The following HOMER1 variants were observed in gnomAD, a reference collection of about 807,000 sequenced individuals.
HOMER1 encodes homer protein homolog 1.
Under a neutral mutation model 48.9 loss-of-function variants are expected in HOMER1, and 3 were observed. The ratio of observed to expected loss-of-function variants is 0.06; its 90% CI spans 0.03 to 0.16. The LOEUF is 0.16. HOMER1 is among the 10% of genes least tolerant of loss of function. The pLI, the probability that HOMER1 is intolerant of heterozygous loss-of-function variation, is 1.00. For synonymous variants in HOMER1, 134 were observed against 146.4 expected (o/e 0.92, Z 0.61); for missense variants, 247 against 411.4 (o/e 0.60, Z 3.46).
At chr5:79,405,839 T>C (rs1172849648) in intron 5 of HOMER1, among the ~76,000 whole-genome samples, 2 of 152,320 alleles carry the variant, frequency 1.3e-5, no homozygotes, top group Non-Finnish European at 1.5e-5. Context: ...AAACCTCAAA[T>C]ATAAATATTT....
chr5:79,426,182 T>TA (rs1195009147), intron 5 of HOMER1, among the ~76,000 whole-genome samples: 1 of 152,076 alleles, frequency 6.6e-6, no homozygotes, highest in Non-Finnish European at 1.5e-5. Context: ...GGGAAAGGTA[T>TA]ATTAGTACAG....
intron 1 of HOMER1, among the ~76,000 whole-genome samples, chr5:79,478,119 T>C (rs1751836730): frequency 6.6e-6 from 1 of 152,184 alleles, no homozygotes; most frequent in Non-Finnish European, 1.5e-5. Context: ...GAGTCAGGAT[T>C]AGAAACCACA....
Position 79,429,290 on chromosome 5 carries a change from G to A in HOMER1, c.527+9720C>T, listed in dbSNP as rs142497221. 6.2e-3 allele frequency among the ~76,000 whole-genome samples: 943 copies of A among 152,136 alleles called. 7 individuals carry two copies. Among genetic ancestry groups the A allele is most frequent in the African/African-American group, 0.021 (891 of 41,504 alleles). ...AGAATCACTTTGAGGCATGAAAATC[G>A]CTTGAACCCAGGAGGCAGAGGTTGC... On this transcript the variant is annotated intron_variant, in intron 5 of 8. Transcript: ENST00000334082.
chr5:79,462,749 T>C (rs1037354085), intron 1 of HOMER1, among the ~76,000 whole-genome samples: 6 of 152,224 alleles, frequency 3.9e-5, no homozygotes, highest in African/African-American at 1.4e-4. Context: ...TAAAAATCAA[T>C]GATGATGCTG....
rs34470593 is a variant in HOMER1 at position 79,375,904 on chromosome 5, ATT to A, written c.*103_*104del. Reference sequence around the variant, plus strand: ...CCTCCTCCTGGAGGAGTGATATTCAATTTTTTTTTTTTTTTTTTTGTGCAATC... The same window carrying A: ...CCTCCTCCTGGAGGAGTGATATTCAATTTTTTTTTTTTTTTTTGTGCAATC... On this transcript the variant is annotated 3_prime_UTR_variant, in exon 9 of 9. Coordinates refer to ENST00000334082, the MANE Select transcript of HOMER1 (RefSeq NM_004272.5). 3,936 of 348,986 alleles carry A rather than the reference ATT, an allele frequency of 0.011. 2 individuals are homozygous for A. The highest frequency in any genetic ancestry group is 0.015 in the Middle Eastern group (19 of 1,290). The allele number at this position is 348,986 out of a possible 1,614,324, so 21.6% of individuals were successfully genotyped here. A position where few individuals can be genotyped will look rare whatever the true frequency, so the allele number is the denominator to read the frequency against.
intron 5 of HOMER1, among the ~76,000 whole-genome samples, chr5:79,426,146 A>C (rs1401704520): frequency 6.6e-6 from 1 of 152,064 alleles, no homozygotes; most frequent in African/African-American, 2.4e-5. Context: ...TGAGGATAGA[A>C]AGTGGAAAGT....
At chr5:79,396,701 G>C (rs1749395047) in intron 8 of HOMER1, 122 bp downstream of exon 8, 2 of 514,486 alleles carry the variant, frequency 3.9e-6, no homozygotes, top group South Asian at 3.5e-5. Flanking sequence ...TGAATCAGAA[G>C]TCCCGGAAAA....
chr5:79,426,228 T>C lies in HOMER1; in HGVS notation c.527+12782A>G, dbSNP rs192551610. Among the ~76,000 whole-genome samples, 14 of 152,128 alleles carry C rather than the reference T, an allele frequency of 9.2e-5. No individual in the cohort carries two copies. In the East Asian group the frequency reaches 2.7e-3, roughly 29 times the overall value. ...GAACTGTGGATGTTCCTTAAAAGAC[T>C]AAAAATAGAACTACCATATGATCCA... is the stretch of plus-strand genomic sequence containing the variant. On this transcript the variant is annotated intron_variant, in intron 5 of 8. Coordinates refer to ENST00000334082, the MANE Select transcript of HOMER1 (RefSeq NM_004272.5).
intron 5 of HOMER1, among the ~76,000 whole-genome samples, chr5:79,428,591 T>C (rs545585153): frequency 1.3e-5 from 2 of 152,252 alleles, no homozygotes; most frequent in African/African-American, 4.8e-5. Flanking sequence ...GTTCAGTAAG[T>C]TTGTAGGATA....
chr5:79,457,197 A>G lies in HOMER1; in HGVS notation c.6-179T>C, dbSNP rs556784083. 6.6e-5 allele frequency among the ~76,000 whole-genome samples: 10 copies of G among 152,368 alleles called. No homozygotes were observed. In the East Asian group the frequency reaches 1.7e-3, roughly 26 times the overall value. The stretch of plus-strand genomic sequence containing the variant: ...TTCAGTCATAAGGTTTCTAAAAACA[A>G]TTATAGTCAATCCTCATTATTTGAA... On this transcript the variant is annotated intron_variant, in intron 1 of 8. Transcript: ENST00000334082.
chr5:79,489,822 T>A (rs1752219155), intron 1 of HOMER1, among the ~76,000 whole-genome samples: 1 of 152,196 alleles, frequency 6.6e-6, no homozygotes, highest in East Asian at 1.9e-4. Flanking sequence ...TTAGTACACT[T>A]ATTGCATAGA....
chr5:79,500,238 TA>T (rs1197339884), intron 1 of HOMER1, among the ~76,000 whole-genome samples: 4 of 151,952 alleles, frequency 2.6e-5, no homozygotes, highest in African/African-American at 7.2e-5. Context: ...GGATTACTAT[TA>T]AAAAAAACCA....
intron 1 of HOMER1, among the ~76,000 whole-genome samples, chr5:79,458,939 A>G (rs932112107): frequency 2.6e-5 from 4 of 151,792 alleles, no homozygotes; most frequent in Admixed American, 2.6e-4. Context: ...TGCAACCCCT[A>G]TTTTTCTTTT....
At position 79,446,708 on chromosome 5, in the gene HOMER1, T is replaced by C. The variant is rs556387572; in HGVS notation, c.387+345A>G. On this transcript the variant is annotated intron_variant, in intron 4 of 8. Coordinates refer to ENST00000334082, the MANE Select transcript of HOMER1 (RefSeq NM_004272.5). ...AGGCTGGAGCACAGTGGCACAATTA[T>C]AGCTCACTGCAGCCTCGACCTCCCA... Among the ~76,000 whole-genome samples the C allele has an allele frequency of 5.9e-5, 9 of 151,810 alleles. No homozygotes were observed. In the East Asian group the frequency reaches 9.7e-4, roughly 16 times the overall value.
At chr5:79,387,415 C>A (rs1648291090) in intron 8 of HOMER1, among the ~76,000 whole-genome samples, 2 of 152,054 alleles carry the variant, frequency 1.3e-5, no homozygotes, top group African/African-American at 4.8e-5. Context: ...AGTACTAAAC[C>A]CAGCTTTAAT....
At chr5:79,437,340 T>C (rs1417153358) in intron 5 of HOMER1, among the ~76,000 whole-genome samples, 1 of 152,212 alleles carries the variant, frequency 6.6e-6, no homozygotes, top group African/African-American at 2.4e-5. Context: ...ATGTTAAATA[T>C]AGTTTAATAG....
chr5:79,401,634 T>G (rs377150340), intron 6 of HOMER1, among the ~76,000 whole-genome samples: 2 of 152,238 alleles, frequency 1.3e-5, no homozygotes, highest in Non-Finnish European at 2.9e-5. Context: ...AGTGCTTTTA[T>G]GTACTTGTGC....
intron 1 of HOMER1, among the ~76,000 whole-genome samples, chr5:79,492,986 G>A (rs1052846121): frequency 1.4e-4 from 20 of 141,958 alleles, no homozygotes; most frequent in Admixed American, 5.3e-4. Flanking sequence ...TGGCACGATC[G>A]TGGCTCAATG....
intron 8 of HOMER1, among the ~76,000 whole-genome samples, chr5:79,383,068 G>T (rs557447080): frequency 6.6e-6 from 1 of 152,250 alleles, no homozygotes; most frequent in East Asian, 1.9e-4. Context: ...AACCAAAAGT[G>T]CACAGGAGTA....
Sources: allele counts gnomAD v4.1 joint callset (sites outside exome capture counted in the v4.1 genomes callset), GRCh38; gene constraint gnomAD v4.1.1; transcripts MANE v1.5; gene names NCBI Gene and HGNC (gene_info 2026-07-23, HGNC 2026-07-21).